NALF1: variants seen among roughly 807,000 people sequenced by gnomAD.
NALF1 encodes NALCN channel auxiliary factor 1, also known as family with sequence similarity 155 member A.
A neutral mutation model predicts 48.4 loss-of-function variants in NALF1; 3 were observed. The observed-to-expected ratio is 0.06, with a 90% confidence interval of 0.03 to 0.16. NALF1 has a LOEUF of 0.16. Among genes scored for constraint, NALF1 ranks in the 10% least tolerant of loss-of-function variants. The pLI is 1.00. For synonymous variants in NALF1, 262 were observed against 245.7 expected, an observed-to-expected ratio of 1.07 and a Z score of -0.62; for missense variants, 526 against 571.5, an observed-to-expected ratio of 0.92 and a Z score of 0.81.
At chr13:107,722,075 C>T (rs1212453270) in intron 1 of NALF1, among the ~76,000 whole-genome samples, 1 of 151,966 alleles carries the variant, frequency 6.6e-6, no homozygotes, top group African/African-American at 2.4e-5. Flanking sequence ...GAATTCTATG[C>T]AGAAAATGAC....
In NALF1 at chr13:107,479,141, G is replaced by A. The variant is rs151278808; in HGVS notation, c.916-268386C>T. Among the ~76,000 whole-genome samples, 934 of 152,208 alleles carry A rather than the reference G, an allele frequency of 6.1e-3. 10 individuals carry two copies. The highest frequency in any genetic ancestry group is 0.021 in the African/African-American group (891 of 41,542). On this transcript the variant is annotated intron_variant, in intron 1 of 2. Coordinates refer to ENST00000375915, the MANE Select transcript of NALF1 (RefSeq NM_001080396.3). ...TTAAAGTCAGTCCATTAAACCAGAT[G>A]AGAGGCAGCTGCTGCATGTTCTGAT...
At chr13:107,248,103 T>C (rs1880620210) in intron 1 of NALF1, among the ~76,000 whole-genome samples, 1 of 151,994 alleles carries the variant, frequency 6.6e-6, no homozygotes, top group African/African-American at 2.4e-5. Context: ...TTATCACCAC[T>C]CTGCTGTAGC....
intron 1 of NALF1, among the ~76,000 whole-genome samples, chr13:107,241,051 TAAAAAAAAAA>T (rs34271681): frequency 1.5e-5 from 1 of 66,382 alleles, no homozygotes; most frequent in African/African-American, 6.2e-5. Flanking sequence ...CCATATCTAC[TAAAAAAAAAA>T]AAAAAAAAAA....
At chr13:107,380,814 TA>T (rs1337809871) in intron 1 of NALF1, among the ~76,000 whole-genome samples, 1 of 151,392 alleles carries the variant, frequency 6.6e-6, no homozygotes, top group Non-Finnish European at 1.5e-5. Context: ...CCGTCTCTAC[TA>T]AAAATACAAA....
At chr13:107,714,509 A>C (rs766397445) in intron 1 of NALF1, among the ~76,000 whole-genome samples, 8 of 151,904 alleles carry the variant, frequency 5.3e-5, no homozygotes, top group Non-Finnish European at 7.4e-5. Context: ...CTCTACAAAA[A>C]TATAAACGCT....
intron 1 of NALF1, among the ~76,000 whole-genome samples, chr13:107,236,556 T>C (rs1253875384): frequency 6.6e-6 from 1 of 152,144 alleles, no homozygotes; most frequent in South Asian, 2.1e-4. Flanking sequence ...TGTAAAGAGA[T>C]GTGTTTCTTA....
intron 1 of NALF1, among the ~76,000 whole-genome samples, chr13:107,502,366 T>A (rs547217013): frequency 6.8e-4 from 103 of 152,298 alleles, no homozygotes; most frequent in African/African-American, 2.2e-3. Context: ...TGAGTTAAAT[T>A]CCTTGGTAGA....
At chr13:107,599,907 TACA>T (rs1335341029) in intron 1 of NALF1, among the ~76,000 whole-genome samples, 2 of 152,186 alleles carry the variant, frequency 1.3e-5, no homozygotes, top group African/African-American at 2.4e-5. Flanking sequence ...TCTAGTTGTG[TACA>T]ACGAGTCATA....
At chr13:107,361,730 C>T (rs1199054270) in intron 1 of NALF1, among the ~76,000 whole-genome samples, 1 of 152,152 alleles carries the variant, frequency 6.6e-6, no homozygotes, top group Non-Finnish European at 1.5e-5. Flanking sequence ...TAACCAAATA[C>T]ATATTAAGAT....
chr13:107,255,405 T>C (rs1880793061), intron 1 of NALF1, among the ~76,000 whole-genome samples: 1 of 152,196 alleles, frequency 6.6e-6, no homozygotes, highest in African/African-American at 2.4e-5. Flanking sequence ...GTATTTAATG[T>C]CTCTGTGACT....
chr13:107,414,817 G>C (rs919347433), intron 1 of NALF1, among the ~76,000 whole-genome samples: 5 of 79,322 alleles, frequency 6.3e-5, no homozygotes, highest in Admixed American at 2.8e-4. Flanking sequence ...GAGTGAGTGA[G>C]TGTGTGTGTG....
At chr13:107,698,328 A>T (rs1040859690) in intron 1 of NALF1, among the ~76,000 whole-genome samples, 2 of 152,110 alleles carry the variant, frequency 1.3e-5, no homozygotes, top group Non-Finnish European at 2.9e-5. Context: ...GGTACTGCTA[A>T]TTATTCTCAA....
intron 1 of NALF1, among the ~76,000 whole-genome samples, chr13:107,333,763 T>G (rs989808547): frequency 1.3e-5 from 2 of 152,244 alleles, no homozygotes; most frequent in Admixed American, 1.3e-4. Context: ...AAAGTCGAAG[T>G]GAAAGCAATC....
chr13:107,661,990 CACTT>C (rs1187052520), intron 1 of NALF1, among the ~76,000 whole-genome samples: 2 of 152,174 alleles, frequency 1.3e-5, no homozygotes, highest in East Asian at 3.9e-4. Flanking sequence ...ATGTTATTAA[CACTT>C]ACTTCTGCTC....
intron 1 of NALF1, among the ~76,000 whole-genome samples, chr13:107,355,549 G>T (rs951105294): frequency 1.3e-5 from 2 of 152,106 alleles, no homozygotes; most frequent in African/African-American, 2.4e-5. Flanking sequence ...GACCTGGCGG[G>T]GGGTGAGTGG....
intron 1 of NALF1, among the ~76,000 whole-genome samples, chr13:107,323,599 C>G (rs916567140): frequency 2.0e-5 from 3 of 151,892 alleles, no homozygotes; most frequent in African/African-American, 7.3e-5. Flanking sequence ...ACTCACTTAC[C>G]CCCAATCAGA....
In NALF1 at chr13:107,225,475, C is replaced by T. The variant is rs529072839; in HGVS notation, c.916-14720G>A. Among the ~76,000 whole-genome samples the T allele has an allele frequency of 2.4e-3, 360 of 152,286 alleles. 2 individuals are homozygous for T. The highest frequency in any genetic ancestry group is 4.4e-3 in the Non-Finnish European group (300 of 68,030). Reference sequence around the variant, plus strand: ...AATTTTTAATAGAGATAGGATCTCACTGTGTTGCCCAGGGTGGTCTTGAAT... The same window carrying T: ...AATTTTTAATAGAGATAGGATCTCATTGTGTTGCCCAGGGTGGTCTTGAAT... On this transcript the variant is annotated intron_variant, in intron 1 of 2. Coordinates refer to ENST00000375915, the MANE Select transcript of NALF1 (RefSeq NM_001080396.3).
chr13:107,399,844 A>G (rs957994564), intron 1 of NALF1, among the ~76,000 whole-genome samples: 1 of 152,180 alleles, frequency 6.6e-6, no homozygotes, highest in Non-Finnish European at 1.5e-5. Context: ...GCAGAAAAGA[A>G]TAACGAGGTA....
intron 1 of NALF1, among the ~76,000 whole-genome samples, chr13:107,604,181 T>C (rs1282396424): frequency 6.6e-6 from 1 of 152,210 alleles, no homozygotes; most frequent in Non-Finnish European, 1.5e-5. Flanking sequence ...AGAAATGATG[T>C]ACTCCTTATA....
Sources: gnomAD v4.1 joint callset for allele counts (sites outside exome capture counted in the v4.1 genomes callset) on GRCh38, gnomAD v4.1.1 for gene constraint, MANE v1.5 for transcripts, NCBI Gene and HGNC (gene_info 2026-07-23, HGNC 2026-07-21) for gene names.